SH3TC2: variants seen among roughly 807,000 people sequenced by gnomAD.
The protein encoded by SH3TC2 is SH3 domain and tetratricopeptide repeat-containing protein 2.
SH3TC2 carries 87 observed loss-of-function variants against 124.5 expected under a neutral mutation model. The ratio of observed to expected loss-of-function variants is 0.70; its 90% CI spans 0.59 to 0.84. The LOEUF is 0.84. Among genes scored for constraint, SH3TC2 ranks in the 40% least tolerant of loss-of-function variants. SH3TC2 has a pLI of 0.00. For synonymous variants in SH3TC2, 634 were observed against 628.5 expected (o/e 1.01, Z -0.13); for missense variants, 1,536 against 1,566.4 (o/e 0.98, Z 0.33).
At chr5:149,042,546 G>A in intron 5 of SH3TC2, 148 bp downstream of exon 5, 1 of 943,210 alleles carries the variant, frequency 1.1e-6, no homozygotes, top group Non-Finnish European at 1.7e-6. Flanking sequence ...TCAGAGGAAT[G>A]TTCAAAGTAC....
rs995239427 is a variant in SH3TC2 at position 149,042,731 on chromosome 5, G to A, written c.492C>T (p.His164=). The change falls in exon 5 of 17, where the codon CAC becomes CAT. Residue 164 remains histidine (H), a synonymous_variant. Coordinates refer to ENST00000515425, the MANE Select transcript of SH3TC2 (RefSeq NM_024577.4). ...TEIQVSVDDK[H]LETIYLGLLI... ...GGAGTCCCAGGTATATTGTTTCCAG[G>A]TGTTTATCATCTACAGACACTTGGA... 5 of 1,614,114 alleles carry A rather than the reference G, an allele frequency of 3.1e-6. No individual in the cohort carries two copies. The highest frequency in any genetic ancestry group is 3.4e-6 in the Non-Finnish European group (4 of 1,180,008).
intron 5 of SH3TC2, 140 bp from the exon 6 acceptor site, chr5:149,041,757 C>T: frequency 1.1e-6 from 1 of 891,238 alleles, no homozygotes; most frequent in East Asian, 2.7e-5. Context: ...AGGGGAGACA[C>T]TAAAAGAGGC....
chr5:149,028,927 C>G (rs1384641180), intron 9 of SH3TC2, among the ~76,000 whole-genome samples: 2 of 149,938 alleles, frequency 1.3e-5, no homozygotes, highest in African/African-American at 4.9e-5. Context: ...ATGCACTTTA[C>G]AGTTGGGAAC....
intron 2 of SH3TC2, among the ~76,000 whole-genome samples, chr5:149,050,199 C>T (rs1754533321): frequency 6.6e-6 from 1 of 152,234 alleles, no homozygotes; most frequent in Admixed American, 6.5e-5. Flanking sequence ...AGCAGAACCC[C>T]TGTGCCCACA....
At chr5:149,042,231 C>T (rs367991640) in intron 5 of SH3TC2, among the ~76,000 whole-genome samples, 1 of 152,142 alleles carries the variant, frequency 6.6e-6, no homozygotes, top group South Asian at 2.1e-4. Context: ...AAGAGGTGCT[C>T]CAAGAGGTTC....
At chr5:149,016,155 GC>G (rs1753869674) in intron 12 of SH3TC2, among the ~76,000 whole-genome samples, 1 of 152,090 alleles carries the variant, frequency 6.6e-6, no homozygotes, top group South Asian at 2.1e-4. Flanking sequence ...CATCACAACA[GC>G]CCCAAGAGAT....
In SH3TC2 at chr5:148,991,860, A is replaced by G. The variant is rs1753424434; in HGVS notation, c.*12851T>C. Among the ~76,000 whole-genome samples, 1 of 152,198 alleles carries G rather than the reference A, an allele frequency of 6.6e-6. No individual in the cohort carries two copies. The highest frequency in any genetic ancestry group is 1.5e-5 in the Non-Finnish European group (1 of 68,030). On this transcript the variant is annotated 3_prime_UTR_variant, in exon 17 of 17. Transcript: ENST00000515425. The stretch of plus-strand genomic sequence containing the variant: ...TCATCACATGGGACTTTATCCATGG[A>G]GGTGAGCCTCCTCTTGCACTGGAAG...
At chr5:149,028,766 C>CCATG (rs771938162) in intron 9 of SH3TC2, 48 bp from the exon 10 acceptor site, 8 of 1,594,712 alleles carry the variant, frequency 5.0e-6, no homozygotes, top group Non-Finnish European at 6.0e-6. Flanking sequence ...GGATGGGCCA[C>CCATG]CATGCCCATG....
chr5:149,019,689 A>C (rs1355092317), intron 12 of SH3TC2, among the ~76,000 whole-genome samples: 2 of 152,222 alleles, frequency 1.3e-5, no homozygotes, highest in Non-Finnish European at 2.9e-5. Flanking sequence ...ATATTAACCA[A>C]AGGTTTGCAA....
rs950656200 is a variant in SH3TC2 at position 149,000,358 on chromosome 5, C to T, written c.*4353G>A. Among the ~76,000 whole-genome samples, 4 of 152,204 alleles carry T rather than the reference C, an allele frequency of 2.6e-5. No individual in the cohort carries two copies. Among genetic ancestry groups the T allele is most frequent in the African/African-American group, 9.6e-5 (4 of 41,452 alleles). On this transcript the variant is annotated 3_prime_UTR_variant, in exon 17 of 17. Transcript: ENST00000515425. Reference sequence around the variant, plus strand: ...GTTGCTAGTCTGTCATCTACACTCTCTGCCACTTATTAATCTCTCTGTTTT... The same window carrying T: ...GTTGCTAGTCTGTCATCTACACTCTTTGCCACTTATTAATCTCTCTGTTTT...
chr5:149,025,026 T>C (rs1754040043), intron 12 of SH3TC2, among the ~76,000 whole-genome samples: 1 of 152,180 alleles, frequency 6.6e-6, no homozygotes, highest in African/African-American at 2.4e-5. Context: ...CTCCTGTTCC[T>C]TAGAATCCAA....
At chr5:149,037,374 T>C (rs1754299684) in intron 8 of SH3TC2, among the ~76,000 whole-genome samples, 1 of 151,366 alleles carries the variant, frequency 6.6e-6, no homozygotes, top group African/African-American at 2.4e-5. Context: ...TTTATAGTTA[T>C]TTGGACTCCC....
In SH3TC2 at chr5:148,988,450, G is replaced by A. The variant is rs150690882; in HGVS notation, c.*16261C>T. On this transcript the variant is annotated 3_prime_UTR_variant, in exon 17 of 17. Transcript: ENST00000515425. ...TGACACTGTGTGACTTCTGAGGCCA[G>A]GTCATAGGAAGCTTTGCAGCTCCCC... 8.5e-5 allele frequency among the ~76,000 whole-genome samples: 13 copies of A among 152,170 alleles called. No individual in the cohort carries two copies. Among genetic ancestry groups the A allele is most frequent in the Admixed American group, 2.6e-4 (4 of 15,280 alleles).
intron 14 of SH3TC2, 145 bp from the exon 15 acceptor site, chr5:149,009,146 C>A (rs1007556258): frequency 4.2e-5 from 39 of 936,946 alleles, no homozygotes; most frequent in Middle Eastern, 2.4e-4. Context: ...CCCTGTGTGC[C>A]TTTACTCAAC....
At chr5:149,049,259 C>T (rs558685445) in intron 2 of SH3TC2, among the ~76,000 whole-genome samples, 90 of 152,230 alleles carry the variant, frequency 5.9e-4, no homozygotes, top group Non-Finnish European at 1.2e-3. Flanking sequence ...CCGCATCCAT[C>T]CAGGCCTCCA....
At chr5:149,038,579 C>T in intron 7 of SH3TC2, 89 bp from the exon 8 acceptor site, 1 of 1,381,822 alleles carries the variant, frequency 7.2e-7, no homozygotes, top group Non-Finnish European at 1.0e-6. Context: ...ATGAGGGGTT[C>T]CCAGACTTTA....
Position 148,983,199 on chromosome 5 carries a change from A to G in SH3TC2, c.*21512T>C, listed in dbSNP as rs768908008. On this transcript the variant is annotated 3_prime_UTR_variant, in exon 17 of 17. Coordinates refer to ENST00000515425, the MANE Select transcript of SH3TC2 (RefSeq NM_024577.4). ...GTCCTGTTAAAAGCATTTTGAGTAC[A>G]GTATTTTTTGTTACTTTGCTTCATT... Among the ~76,000 whole-genome samples the G allele has an allele frequency of 3.3e-5, 5 of 152,220 alleles. No individual in the cohort carries two copies. The South Asian group carries it at 6.2e-4, about 19-fold the overall frequency.
chr5:149,038,183 G>A (rs1275956025), intron 8 of SH3TC2, 112 bp downstream of exon 8: 15 of 948,056 alleles, frequency 1.6e-5, no homozygotes, highest in Middle Eastern at 3.0e-4. Context: ...TGCTTTTCTG[G>A]CTCCATGTCA....
chr5:149,028,529 C>G lies in SH3TC2; in HGVS notation c.1203G>C (p.Glu401Asp). ...CCTCCCAGGCTCTGCCAGGCCTGAC[C>G]TCCTTGAAACCTTCAGGCTGGGATG... ...LSASQPEGFKEVRPGRAWEEH... is the reference protein window; with the variant it reads ...LSASQPEGFKDVRPGRAWEEH... The change falls in exon 11 of 17, where the codon GAG becomes GAC. Residue 401 changes from glutamate (E) to aspartate (D), a missense_variant. Glu to Asp is a conservative substitution (Grantham distance 45). Transcript: ENST00000515425. 6.2e-7 allele frequency: 1 copy of G among 1,614,024 alleles called. No individual in the cohort carries two copies. Among genetic ancestry groups the G allele is most frequent in the Non-Finnish European group, 8.5e-7 (1 of 1,179,938 alleles).
Sources: allele counts gnomAD v4.1 joint callset (sites outside exome capture counted in the v4.1 genomes callset), GRCh38; gene constraint gnomAD v4.1.1; transcripts MANE v1.5; gene names NCBI Gene and HGNC (gene_info 2026-07-23, HGNC 2026-07-21).